The following COL1A2 variants were observed in gnomAD, a reference collection of about 807,000 sequenced individuals.
COL1A2 encodes the protein collagen type I alpha 2 chain, also known as collagen alpha-2(I) chain.
A neutral mutation model predicts 174.3 loss-of-function variants in COL1A2; 49 were observed. That is an observed-to-expected ratio of 0.28 (90% confidence interval 0.22 to 0.36). The LOEUF (loss-of-function observed/expected upper bound fraction) is 0.36, where lower values mean the gene tolerates loss of function less well. COL1A2 is among the 10% of genes least tolerant of loss of function. The pLI, the probability that COL1A2 is intolerant of heterozygous loss-of-function variation, is 1.00. For synonymous variants in COL1A2, 655 were observed against 606.6 expected (o/e 1.08, Z -1.17); for missense variants, 1,438 against 1,822.7 (o/e 0.79, Z 3.84).
chr7:94,426,591 A>C lies in COL1A2; in HGVS notation c.3105+61A>C, dbSNP rs371611639. 4 of 1,228,880 alleles carry C rather than the reference A, an allele frequency of 3.3e-6. No individual in the cohort carries two copies. In the African/African-American group the frequency reaches 6.0e-5, roughly 18 times the overall value. The allele number at this position is 1,228,880 out of a possible 1,614,324, so 76.1% of individuals were successfully genotyped here. On this transcript the variant is annotated intron_variant, in intron 46 of 51. Transcript: ENST00000297268. ...TCCTGAAGGCCTTCAGCTCAGAAGG[A>C]TTTTCATATTTTCACTGCTATTGTT... is the stretch of plus-strand genomic sequence containing the variant.
chr7:94,405,800 C>G (rs1393539888), intron 11 of COL1A2, 74 bp downstream of exon 11: 2 of 1,177,416 alleles, frequency 1.7e-6, no homozygotes, highest in Non-Finnish European at 2.6e-6. Flanking sequence ...TGTTTAAAAT[C>G]TTGGGTGACA....
At chr7:94,395,481 C>T in intron 1 of COL1A2, 1 of 347,014 alleles carries the variant, frequency 2.9e-6, no homozygotes, top group Non-Finnish European at 5.6e-6. Context: ...CTGATGTCCA[C>T]CTTGTAAAAC....
chr7:94,406,788 T>C (rs1428102599), intron 12 of COL1A2, among the ~76,000 whole-genome samples: 1 of 152,150 alleles, frequency 6.6e-6, no homozygotes, highest in East Asian at 1.9e-4. Flanking sequence ...GTCTCAGAAG[T>C]GTGTTATCTC....
At position 94,424,882 on chromosome 7, in the gene COL1A2, C is replaced by T. The variant is rs41317734; in HGVS notation, c.2674-235C>T. 0.12 allele frequency: 67,729 copies of T among 560,500 alleles called. 4,725 individuals carry two copies. Among genetic ancestry groups the T allele is most frequent in the South Asian group, 0.17 (8,274 of 49,324 alleles). 34.7% of individuals were successfully genotyped at this position (560,500 alleles called of 1,614,324 possible). Reference sequence around the variant, plus strand: ...ATTTCATTTGGGATACTGAATGACACGAGGCTCACTTTTTACAGAGCAACA... The same window carrying T: ...ATTTCATTTGGGATACTGAATGACATGAGGCTCACTTTTTACAGAGCAACA... On this transcript the variant is annotated intron_variant, in intron 41 of 51. Coordinates refer to ENST00000297268, the MANE Select transcript of COL1A2 (RefSeq NM_000089.4).
intron 40 of COL1A2, 47 bp from the exon 41 acceptor site, chr7:94,424,289 T>A (rs775873981): frequency 3.3e-6 from 5 of 1,515,384 alleles, no homozygotes; most frequent in Admixed American, 1.7e-5. Context: ...ACCTGTGTTA[T>A]CACCTAGGGT....
chr7:94,405,318 G>C, intron 10 of COL1A2, 66 bp downstream of exon 10: 1 of 1,445,234 alleles, frequency 6.9e-7, no homozygotes, highest in Non-Finnish European at 9.7e-7. Context: ...GCTAAAACTA[G>C]CATCAATCTA....
intron 10 of COL1A2, among the ~76,000 whole-genome samples, 154 bp from the exon 11 acceptor site, chr7:94,405,519 G>C (rs1367482484): frequency 6.6e-6 from 1 of 152,170 alleles, no homozygotes; most frequent in African/African-American, 2.4e-5. Flanking sequence ...ACTCACATTA[G>C]AGCAAGTTAA....
Position 94,409,831 on chromosome 7 carries a change from C to A in COL1A2, c.1035+10C>A. Reference sequence around the variant, plus strand: ...TGCCAGAGGACTTGTTGTAAGTGGTCATGACTGTGGTTCTCATCATCCTGA... The same window carrying A: ...TGCCAGAGGACTTGTTGTAAGTGGTAATGACTGTGGTTCTCATCATCCTGA... On this transcript the variant is annotated intron_variant, in intron 19 of 51. Coordinates refer to ENST00000297268, the MANE Select transcript of COL1A2 (RefSeq NM_000089.4). 6.2e-7 allele frequency: 1 copy of A among 1,613,218 alleles called. No homozygotes were observed. The highest frequency in any genetic ancestry group is 1.1e-5 in the South Asian group (1 of 91,026).
chr7:94,417,780 A>G lies in COL1A2; in HGVS notation c.1920A>G (p.Gly640=). The change falls in exon 32 of 52, where the codon GGA becomes GGG. Residue 640 remains glycine (G), a synonymous_variant. Transcript: ENST00000297268. ...CTGCTGGTCCATCTGGTCCTAGTGG[A>G]CTCCCAGGAGAGAGGGGTGCTGCTG... ...VGTAGPSGPS[G]LPGERGAAGI... is the part of the protein sequence containing the mutation. 3 of 1,604,930 alleles carry G rather than the reference A, an allele frequency of 1.9e-6. No individual in the cohort carries two copies. Among genetic ancestry groups the G allele is most frequent in the Non-Finnish European group, 2.6e-6 (3 of 1,175,942 alleles).
chr7:94,406,273 G>A lies in COL1A2; in HGVS notation c.564G>A (p.Leu188=). ...AGGGACACAATGGTCTGGATGGATT[G>A]AAGGGACAGCCCGGTGCTCCTGGTG... The part of the protein sequence containing the change: ...GIRGHNGLDG[L]KGQPGAPGVK... Residue 188 remains leucine (L), a synonymous_variant, in exon 12 of 52, where the codon TTG becomes TTA. Transcript: ENST00000297268. 2 of 1,613,986 alleles carry A rather than the reference G, an allele frequency of 1.2e-6. No homozygotes were observed. Among genetic ancestry groups the A allele is most frequent in the Middle Eastern group, 1.6e-4 (1 of 6,062 alleles).
intron 4 of COL1A2, among the ~76,000 whole-genome samples, chr7:94,399,806 C>G (rs1314764524): frequency 1.3e-5 from 2 of 152,126 alleles, no homozygotes. Context: ...TCACATGTAA[C>G]ATACCAAAAC....
chr7:94,406,832 T>C (rs1186510811), intron 12 of COL1A2, among the ~76,000 whole-genome samples: 1 of 152,228 alleles, frequency 6.6e-6, no homozygotes, highest in East Asian at 1.9e-4. Context: ...CGTTTTCAAC[T>C]ATAAAATGTT....
rs400218 is a variant in COL1A2 at position 94,426,694 on chromosome 7, A to G, written c.3105+164A>G. 0.59 allele frequency: 414,491 copies of G among 706,770 alleles called. 125,552 individuals carry two copies. The highest frequency in any genetic ancestry group is 0.64 in the Admixed American group (30,428 of 47,308). The allele number at this position is 706,770 out of a possible 1,614,324, so 43.8% of individuals were successfully genotyped here. The stretch of plus-strand genomic sequence containing the variant: ...ACTCTTGGAGGTAATGCTATTTCAT[A>G]CCAACATGAAAGGTGAGGATTAAGG... On this transcript the variant is annotated intron_variant, in intron 46 of 51. Transcript: ENST00000297268.
At chr7:94,415,311 T>C (rs1792017058) in intron 30 of COL1A2, 41 bp downstream of exon 30, 1 of 1,592,690 alleles carries the variant, frequency 6.3e-7, no homozygotes, top group Non-Finnish European at 8.6e-7. Context: ...TCTGGCAATG[T>C]GTTTTTAAAA....
chr7:94,410,718 A>C (rs1791903222), intron 21 of COL1A2, among the ~76,000 whole-genome samples, 171 bp from the exon 22 acceptor site: 1 of 152,202 alleles, frequency 6.6e-6, no homozygotes, highest in Non-Finnish European at 1.5e-5. Flanking sequence ...ATGTTGACCT[A>C]CTTTTGCAGG....
In COL1A2 at chr7:94,409,402, C is replaced by A. The variant is rs770128801; in HGVS notation, c.873C>A (p.Ser291=). The change falls in exon 17 of 52, where the codon TCC becomes TCA. Residue 291 remains serine (S), a synonymous_variant. Transcript: ENST00000297268. ...PRGEVGLPGL[S]GPVGPPGNPG... is the part of the protein sequence containing the mutation. ...GTGAAGTGGGTCTTCCAGGCCTCTC[C>A]GGCCCCGTTGGACCTCCTGTAAGTA... 6.2e-7 allele frequency: 1 copy of A among 1,614,036 alleles called. No individual in the cohort carries two copies. The highest frequency in any genetic ancestry group is 1.7e-5 in the Admixed American group (1 of 59,994).
chr7:94,411,133 G>A lies in COL1A2; in HGVS notation c.1329G>A (p.Glu443=), dbSNP rs146206917. The A allele has an allele frequency of 4.3e-5, 68 of 1,592,294 alleles. No individual in the cohort carries two copies. In the African/African-American group the frequency reaches 4.7e-4, roughly 11 times the overall value. The change falls in exon 23 of 52, where the codon GAG becomes GAA. Residue 443 remains glutamate, a synonymous_variant. Coordinates refer to ENST00000297268, the MANE Select transcript of COL1A2 (RefSeq NM_000089.4). ...GPNGDAGRPG[E]PGLMGPRGLP... ...ATGGAGATGCTGGTCGCCCTGGGGA[G>A]CCTGGTCTCATGGGACCCAGAGTAA...
chr7:94,397,583 C>G (rs963090772), intron 1 of COL1A2, among the ~76,000 whole-genome samples, 165 bp from the exon 2 acceptor site: 1 of 151,946 alleles, frequency 6.6e-6, no homozygotes. Flanking sequence ...ATACTTTTGA[C>G]CTGCATAATT....
Position 94,426,047 on chromosome 7 carries a change from C to T in COL1A2, c.2993C>T (p.Pro998Leu), listed in dbSNP as rs1204582322. The T allele has an allele frequency of 1.5e-5, 25 of 1,613,492 alleles. No homozygotes were observed. The highest frequency in any genetic ancestry group is 2.0e-5 in the Non-Finnish European group (24 of 1,179,576). Residue 998 changes from proline (P) to leucine (L), a missense_variant, in exon 45 of 52, where the codon CCT (proline) becomes CTT (leucine). By Grantham distance (98) the Pro-to-Leu change is moderately conservative. Around this residue, in one of 3 missense-constraint regions of COL1A2, gnomAD observed 867 missense variants for 1,213.7 expected, o/e 0.71. Coordinates refer to ENST00000297268, the MANE Select transcript of COL1A2 (RefSeq NM_000089.4). ...GPAGAVGPRG[P>L]SGPQGIRGDK... is the part of the protein sequence containing the mutation. ...GCTGGTGCTGTTGGCCCAAGAGGTC[C>T]TAGTGTATGTACATGCTGAAGATTT...
Sources: allele counts gnomAD v4.1 joint callset (sites outside exome capture counted in the v4.1 genomes callset), GRCh38; gene constraint gnomAD v4.1.1; regional missense constraint gnomAD v4.1.1; transcripts MANE v1.5; gene names NCBI Gene and HGNC (gene_info 2026-07-23, HGNC 2026-07-21).